The following SEMA3E variants were observed in gnomAD, a reference collection of about 807,000 sequenced individuals.
SEMA3E encodes the protein semaphorin 3E.
SEMA3E carries 49 observed loss-of-function variants against 93.6 expected under a neutral mutation model. The observed-to-expected ratio is 0.52, with a 90% CI of 0.42 to 0.66. SEMA3E has a LOEUF of 0.66. Among genes scored for constraint, SEMA3E ranks in the 30% least tolerant of loss-of-function variants. The pLI is 0.00. For missense variants in SEMA3E, 906 were observed against 964.8 expected (o/e 0.94, Z 0.81); for synonymous variants, 363 against 330.7 (o/e 1.10, Z -1.06).
At chr7:83,577,325 C>T (rs770355951) in intron 1 of SEMA3E, among the ~76,000 whole-genome samples, 7 of 152,078 alleles carry the variant, frequency 4.6e-5, no homozygotes, top group Non-Finnish European at 1.0e-4. Context: ...GTTTTCCCTT[C>T]GTTTTGAAAG....
intron 4 of SEMA3E, among the ~76,000 whole-genome samples, chr7:83,433,948 A>G (rs1788942625): frequency 6.6e-6 from 1 of 152,006 alleles, no homozygotes; most frequent in South Asian, 2.1e-4. Context: ...TAATTTAAGA[A>G]CATTTCATAG....
chr7:83,461,224 C>G (rs187269001), intron 4 of SEMA3E, among the ~76,000 whole-genome samples: 4 of 152,064 alleles, frequency 2.6e-5, no homozygotes, highest in Admixed American at 2.6e-4. Flanking sequence ...CAGTGCAACT[C>G]GTCCCAAATC....
rs1186719547 is a variant in SEMA3E at position 83,392,694 on chromosome 7, C to A, written c.1528G>T (p.Ala510Ser). 4 of 1,613,654 alleles carry A rather than the reference C, an allele frequency of 2.5e-6. No homozygotes were observed. The South Asian group carries it at 4.4e-5, about 18-fold the overall frequency. Residue 510 changes from alanine to serine, a missense_variant, in exon 14 of 17, where the codon GCT becomes TCT. Physicochemically the swap from Ala to Ser is moderately conservative, Grantham distance 99. Coordinates refer to ENST00000643230, the MANE Select transcript of SEMA3E (RefSeq NM_012431.3). ...TGATGGAATCTGACTTGAGCCACAG[C>A]AGAAGCAGATCCAATATACAGCTGT... ...RQQLYIGSAS[A>S]VAQVRFHHCD... is the part of the protein sequence containing the mutation.
At chr7:83,451,726 T>C (rs937551525) in intron 4 of SEMA3E, among the ~76,000 whole-genome samples, 5 of 152,228 alleles carry the variant, frequency 3.3e-5, no homozygotes, top group African/African-American at 4.8e-5. Flanking sequence ...AACTGGTTCT[T>C]TTCATGTGGG....
chr7:83,396,115 G>A (rs1372243728), intron 12 of SEMA3E, among the ~76,000 whole-genome samples: 1 of 151,560 alleles, frequency 6.6e-6, no homozygotes, highest in African/African-American at 2.4e-5. Context: ...ATATATATGT[G>A]TATACACACA....
intron 11 of SEMA3E, 132 bp downstream of exon 11, chr7:83,399,896 A>G (rs1447258402): frequency 1.3e-6 from 1 of 768,824 alleles, no homozygotes; most frequent in Admixed American, 2.0e-5. Context: ...AATCTTTCTC[A>G]TTTTGGATTA....
chr7:83,427,133 A>G (rs983186134), intron 4 of SEMA3E, among the ~76,000 whole-genome samples: 9 of 152,144 alleles, frequency 5.9e-5, no homozygotes, highest in Admixed American at 3.3e-4. Flanking sequence ...AAGGAGGTAC[A>G]ATAATTTGCT....
At chr7:83,590,590 T>G (rs10234178) in intron 1 of SEMA3E, among the ~76,000 whole-genome samples, 2,522 of 152,172 alleles carry the variant, frequency 0.017, 67 homozygotes, top group African/African-American at 0.056. Flanking sequence ...GCTGGACATA[T>G]GTGATGTAAT....
intron 1 of SEMA3E, among the ~76,000 whole-genome samples, chr7:83,565,762 C>T (rs868510076): frequency 1.3e-5 from 2 of 152,034 alleles, no homozygotes; most frequent in Non-Finnish European, 2.9e-5. Context: ...AACAGCTATA[C>T]GTGTTTTTTC....
intron 3 of SEMA3E, among the ~76,000 whole-genome samples, chr7:83,466,833 T>C (rs1453988745): frequency 6.6e-6 from 1 of 152,160 alleles, no homozygotes; most frequent in Middle Eastern, 3.2e-3. Context: ...ATAATGAGAC[T>C]GCATCATTTT....
chr7:83,609,535 T>C (rs1309671284), intron 1 of SEMA3E, among the ~76,000 whole-genome samples: 2 of 152,062 alleles, frequency 1.3e-5, no homozygotes, highest in East Asian at 1.9e-4. Flanking sequence ...TAGGAAATTA[T>C]CAATATTGTA....
chr7:83,467,410 A>G (rs909094315), intron 3 of SEMA3E, among the ~76,000 whole-genome samples: 17 of 152,238 alleles, frequency 1.1e-4, no homozygotes, highest in African/African-American at 4.1e-4. Context: ...ATTCACATAA[A>G]GCACCTTCAG....
At chr7:83,615,995 A>G (rs199712906) in intron 1 of SEMA3E, among the ~76,000 whole-genome samples, 2 of 56,366 alleles carry the variant, frequency 3.5e-5, no homozygotes, top group Non-Finnish European at 6.2e-5. Flanking sequence ...TAAGAAAAGG[A>G]AAAAAAAAAA....
At chr7:83,461,706 A>G (rs1455346249) in intron 4 of SEMA3E, among the ~76,000 whole-genome samples, 5 of 152,052 alleles carry the variant, frequency 3.3e-5, no homozygotes, top group African/African-American at 9.7e-5. Flanking sequence ...TTATTACCCA[A>G]TCTGCTCCCG....
chr7:83,525,788 T>TGG lies in SEMA3E; in HGVS notation c.116-35515_116-35514insCC, dbSNP rs1791145811. On this transcript the variant is annotated intron_variant, in intron 1 of 16. Transcript: ENST00000643230. ...CCTTCATTTTTGTTTGTTTGGGTTTTTTTTTTTTTTTTTCGTCTCTATATT... is the reference window on the plus strand; with the variant it reads ...CCTTCATTTTTGTTTGTTTGGGTTTTGGTTTTTTTTTTTTTCGTCTCTATATT... Among the ~76,000 whole-genome samples the TGG allele has an allele frequency of 1.0e-4, 3 of 29,000 alleles. No individual in the cohort carries two copies. The South Asian group carries it at 6.3e-3, about 61-fold the overall frequency. The allele number at this position is 29,000 out of a possible 152,430, so 19.0% of individuals were successfully genotyped here. A position where few individuals can be genotyped will look rare whatever the true frequency, so the allele number is the denominator to read the frequency against.
intron 1 of SEMA3E, among the ~76,000 whole-genome samples, chr7:83,622,862 GAAC>G (rs1793593661): frequency 6.7e-6 from 1 of 150,020 alleles, no homozygotes; most frequent in African/African-American, 2.4e-5. Context: ...GCATCAGGAA[GAAC>G]AACTAATGGG....
At chr7:83,600,109 C>G (rs1792955691) in intron 1 of SEMA3E, among the ~76,000 whole-genome samples, 1 of 152,058 alleles carries the variant, frequency 6.6e-6, no homozygotes. Context: ...ATTAAATAAT[C>G]CCTACAGACT....
chr7:83,421,916 G>A (rs775883667), intron 4 of SEMA3E, among the ~76,000 whole-genome samples: 5 of 152,140 alleles, frequency 3.3e-5, no homozygotes, highest in Non-Finnish European at 7.3e-5. Flanking sequence ...GGTGGCTCAC[G>A]CCTGTAATCC....
chr7:83,587,348 G>C (rs1408035552), intron 1 of SEMA3E, among the ~76,000 whole-genome samples: 1 of 152,108 alleles, frequency 6.6e-6, no homozygotes, highest in Non-Finnish European at 1.5e-5. Flanking sequence ...AAAATTATTA[G>C]ATTATAACAA....
Sources: allele counts gnomAD v4.1 joint callset (sites outside exome capture counted in the v4.1 genomes callset), GRCh38; gene constraint gnomAD v4.1.1; transcripts MANE v1.5; gene names NCBI Gene and HGNC (gene_info 2026-07-23, HGNC 2026-07-21).